The following ISM1 variants were observed in gnomAD, a reference collection of about 807,000 sequenced individuals.
ISM1 encodes isthmin 1, also known as isthmin-1.
In ISM1, 25 loss-of-function variants were observed where a neutral mutation model predicts 46.3. That is an observed-to-expected ratio of 0.54 (90% CI 0.39 to 0.75). The LOEUF is 0.75. ISM1 is among the 30% of genes least tolerant of loss of function. The pLI, the probability that ISM1 is intolerant of heterozygous loss-of-function variation, is 0.00. For synonymous variants in ISM1, 255 were observed against 256.7 expected (o/e 0.99, Z 0.06); for missense variants, 536 against 625.4 (o/e 0.86, Z 1.52).
chr20:13,301,596 A>G (rs1371928179), downstream of ISM1, among the ~76,000 whole-genome samples: 1 of 152,230 alleles, frequency 6.6e-6, no homozygotes, highest in Non-Finnish European at 1.5e-5. Flanking sequence ...ACTTATTCAC[A>G]TCTGAAGCAA....
intron 1 of ISM1, among the ~76,000 whole-genome samples, chr20:13,228,199 T>G (rs528053471): frequency 5.9e-5 from 9 of 152,056 alleles, no homozygotes; most frequent in Non-Finnish European, 1.3e-4. Flanking sequence ...TCTCGAACTC[T>G]TCATCTCAGG....
chr20:13,269,735 C>T (rs2123249230), intron 1 of ISM1, among the ~76,000 whole-genome samples: 1 of 152,326 alleles, frequency 6.6e-6, no homozygotes, highest in South Asian at 2.1e-4. Context: ...CACTCTCCAT[C>T]ATCTTCTTTC....
Position 13,241,833 on chromosome 20 carries a change from C to T in ISM1, c.138+19919C>T, listed in dbSNP as rs150204506. Among the ~76,000 whole-genome samples the T allele has an allele frequency of 4.2e-3, 641 of 152,148 alleles. 2 individuals are homozygous for T. Among genetic ancestry groups the T allele is most frequent in the African/African-American group, 0.015 (611 of 41,504 alleles). On this transcript the variant is annotated intron_variant, in intron 1 of 5. Transcript: ENST00000262487. ...TTGGATGCTTTTATTGTTCCCATCACCCACCTGCTTGGCTACTAACCTACA... is the reference window on the plus strand; with the variant it reads ...TTGGATGCTTTTATTGTTCCCATCATCCACCTGCTTGGCTACTAACCTACA...
chr20:13,286,591 C>G (rs1312745375), intron 3 of ISM1, among the ~76,000 whole-genome samples: 1 of 152,030 alleles, frequency 6.6e-6, no homozygotes, highest in Non-Finnish European at 1.5e-5. Flanking sequence ...CCTCGGGGGG[C>G]AGATAAGATG....
chr20:13,293,577 G>T (rs1213867024), intron 5 of ISM1, among the ~76,000 whole-genome samples: 1 of 152,058 alleles, frequency 6.6e-6, no homozygotes, highest in East Asian at 1.9e-4. Flanking sequence ...GCCTATTGGG[G>T]TCAGGTAATG....
At chr20:13,314,940 G>A in the ISM1 span, among the ~76,000 whole-genome samples, 10 of 152,064 alleles carry the variant, frequency 6.6e-5, no homozygotes, top group Non-Finnish European at 1.3e-4. Context: ...CACTATCCAT[G>A]AAGTGGTACA....
intron 5 of ISM1, among the ~76,000 whole-genome samples, chr20:13,297,908 C>T (rs1184674635): frequency 6.6e-6 from 1 of 152,110 alleles, no homozygotes; most frequent in Non-Finnish European, 1.5e-5. Flanking sequence ...GTAAGTGCCC[C>T]GGGCTCCTTC....
At chr20:13,316,982 A>C in the ISM1 span, among the ~76,000 whole-genome samples, 3 of 151,912 alleles carry the variant, frequency 2.0e-5, no homozygotes, top group Non-Finnish European at 4.4e-5. Context: ...ATTGAGAAGG[A>C]AAAAAAGGAA....
the ISM1 span, among the ~76,000 whole-genome samples, chr20:13,326,237 G>C: frequency 1.3e-5 from 2 of 152,152 alleles, no homozygotes; most frequent in East Asian, 3.8e-4. Context: ...TAAGTTGTTT[G>C]TAAGTTTTGG....
chr20:13,307,228 C>CTCT, the ISM1 span, among the ~76,000 whole-genome samples: 2 of 152,210 alleles, frequency 1.3e-5, no homozygotes, highest in African/African-American at 4.8e-5. Context: ...ACATTTGACC[C>CTCT]TCTTATAGCC....
At chr20:13,313,925 T>TA in the ISM1 span, among the ~76,000 whole-genome samples, 1 of 152,180 alleles carries the variant, frequency 6.6e-6, no homozygotes, top group East Asian at 1.9e-4. Context: ...AGCAGAGAGA[T>TA]AAAAAATTCT....
At chr20:13,293,989 G>A (rs997305386) in intron 5 of ISM1, among the ~76,000 whole-genome samples, 3 of 151,444 alleles carry the variant, frequency 2.0e-5, no homozygotes, top group African/African-American at 7.3e-5. Context: ...AAAAAAGAAA[G>A]AAAAAGAAAA....
chr20:13,227,004 G>A (rs1007498074), intron 1 of ISM1, among the ~76,000 whole-genome samples: 1 of 152,106 alleles, frequency 6.6e-6, no homozygotes, highest in African/African-American at 2.4e-5. Flanking sequence ...ATAGTGCAAG[G>A]ACATAAAGTG....
At chr20:13,245,655 C>T (rs2039784398) in intron 1 of ISM1, among the ~76,000 whole-genome samples, 1 of 152,148 alleles carries the variant, frequency 6.6e-6, no homozygotes, top group Non-Finnish European at 1.5e-5. Flanking sequence ...TTACATGGGT[C>T]CTTACTTTTC....
chr20:13,305,175 T>C (rs1227517378), downstream of ISM1, among the ~76,000 whole-genome samples: 1 of 145,834 alleles, frequency 6.9e-6, no homozygotes, highest in African/African-American at 2.6e-5. Flanking sequence ...GGAACTCTAC[T>C]AGATTTTAAT....
chr20:13,325,218 G>A, the ISM1 span, among the ~76,000 whole-genome samples: 1 of 152,124 alleles, frequency 6.6e-6, no homozygotes, highest in Non-Finnish European at 1.5e-5. Flanking sequence ...AAACGCATGT[G>A]GTATCACAAC....
At chr20:13,230,769 A>G (rs59744070) in intron 1 of ISM1, among the ~76,000 whole-genome samples, 13,118 of 151,802 alleles carry the variant, frequency 0.086, 678 homozygotes, top group East Asian at 0.22. Flanking sequence ...AAGAAAAGAA[A>G]AAAAAACCTC....
intron 1 of ISM1, among the ~76,000 whole-genome samples, chr20:13,246,945 T>C (rs1197219874): frequency 6.6e-6 from 1 of 151,326 alleles, no homozygotes; most frequent in East Asian, 1.9e-4. Context: ...AAAATATATA[T>C]ATGTATAGTG....
intron 5 of ISM1, among the ~76,000 whole-genome samples, chr20:13,293,920 G>A (rs1354789016): frequency 1.3e-5 from 2 of 151,870 alleles, no homozygotes; most frequent in African/African-American, 4.8e-5. Context: ...GTTGCAGTGA[G>A]TCGAGATCAC....
Sources: allele counts gnomAD v4.1 joint callset (sites outside exome capture counted in the v4.1 genomes callset), GRCh38; gene constraint gnomAD v4.1.1; transcripts MANE v1.5; gene names NCBI Gene and HGNC (gene_info 2026-07-23, HGNC 2026-07-21).